ADGRL4: variants seen among roughly 807,000 people sequenced by gnomAD.
ADGRL4 encodes EGF, latrophilin and seven transmembrane domain containing 1.
Under a neutral mutation model 74.8 loss-of-function variants are expected in ADGRL4, and 90 were observed. The observed-to-expected ratio is 1.20, with a 90% CI of 1.02 to 1.43. ADGRL4 has a LOEUF of 1.43. ADGRL4 is among the 40% of genes most tolerant of loss of function. ADGRL4 has a pLI of 0.00. For synonymous variants in ADGRL4, 311 were observed against 279.2 expected, an observed-to-expected ratio of 1.11 and a Z score of -1.14; for missense variants, 881 against 814.3, an observed-to-expected ratio of 1.08 and a Z score of -1.00.
chr1:78,921,533 A>C (rs554170660), intron 9 of ADGRL4, 80 bp downstream of exon 9: 2 of 916,676 alleles, frequency 2.2e-6, no homozygotes, highest in East Asian at 6.2e-5. Context: ...ATATATAAAA[A>C]ATTAAATATT....
rs142532224 is a variant in ADGRL4 at position 78,985,882 on chromosome 1, G to A, written c.172+19188C>T. ...AGATAATGTTCTTTGCACCAACATA[G>A]AGTTAAAGGCCATTATGCTAAGTGA... On this transcript the variant is annotated intron_variant, in intron 2 of 14. Transcript: ENST00000370742. 4.0e-5 allele frequency among the ~76,000 whole-genome samples: 6 copies of A among 151,844 alleles called. No individual in the cohort carries two copies. In the East Asian group the frequency reaches 1.2e-3, roughly 29 times the overall value.
intron 2 of ADGRL4, among the ~76,000 whole-genome samples, chr1:78,966,229 G>C (rs572906903): frequency 1.3e-5 from 2 of 152,266 alleles, no homozygotes; most frequent in East Asian, 3.9e-4. Flanking sequence ...TCCTGTTCTG[G>C]GGTGTGGTAC....
At chr1:79,002,723 G>A (rs1650870246) in intron 2 of ADGRL4, among the ~76,000 whole-genome samples, 1 of 151,932 alleles carries the variant, frequency 6.6e-6, no homozygotes, top group Admixed American at 6.6e-5. Context: ...TTGACTATAA[G>A]GCCTCTGTTA....
At chr1:78,915,794 GAAT>G (rs1264403747) in intron 12 of ADGRL4, among the ~76,000 whole-genome samples, 1 of 151,826 alleles carries the variant, frequency 6.6e-6, no homozygotes, top group African/African-American at 2.4e-5. Context: ...TTATATAGCT[GAAT>G]AATAATAGTA....
At chr1:78,953,020 C>T (rs1649760770) in intron 2 of ADGRL4, among the ~76,000 whole-genome samples, 1 of 152,058 alleles carries the variant, frequency 6.6e-6, no homozygotes, top group South Asian at 2.1e-4. Context: ...ATATTATTAT[C>T]ATTTTTTGGT....
chr1:78,983,633 A>G (rs1052307753), intron 2 of ADGRL4, among the ~76,000 whole-genome samples: 1 of 151,854 alleles, frequency 6.6e-6, no homozygotes, highest in Non-Finnish European at 1.5e-5. Flanking sequence ...TGAAATTCCA[A>G]GGACAGTAAA....
At chr1:78,948,449 T>C (rs546845825) in intron 2 of ADGRL4, among the ~76,000 whole-genome samples, 1 of 152,250 alleles carries the variant, frequency 6.6e-6, no homozygotes, top group Non-Finnish European at 1.5e-5. Context: ...ATATTTAAGA[T>C]ACTTTGTTCA....
chr1:79,002,384 G>T (rs1343606061), intron 2 of ADGRL4, among the ~76,000 whole-genome samples: 1 of 151,948 alleles, frequency 6.6e-6, no homozygotes, highest in African/African-American at 2.4e-5. Flanking sequence ...TTTACTCATA[G>T]GCTGAAACCT....
At chr1:78,955,083 A>G (rs1381576863) in intron 2 of ADGRL4, among the ~76,000 whole-genome samples, 2 of 152,064 alleles carry the variant, frequency 1.3e-5, no homozygotes, top group Non-Finnish European at 2.9e-5. Context: ...TAGTAATGTA[A>G]GAGATGTGCA....
chr1:78,985,905 T>A (rs1453264157), intron 2 of ADGRL4, among the ~76,000 whole-genome samples: 1 of 151,726 alleles, frequency 6.6e-6, no homozygotes, highest in South Asian at 2.1e-4. Flanking sequence ...TTATGCTAAG[T>A]GAACTAACAC....
At chr1:78,904,115 A>C (rs1648579943) in intron 12 of ADGRL4, among the ~76,000 whole-genome samples, 1 of 151,966 alleles carries the variant, frequency 6.6e-6, no homozygotes, top group Non-Finnish European at 1.5e-5. Context: ...ACCAAATTTC[A>C]ATGTATTCCT....
chr1:78,971,136 G>A (rs570028924), intron 2 of ADGRL4, among the ~76,000 whole-genome samples: 2 of 152,214 alleles, frequency 1.3e-5, no homozygotes, highest in East Asian at 1.9e-4. Context: ...GGCCCCTTCT[G>A]CTGGGAACCC....
At chr1:78,940,435 C>T (rs1649452148) in intron 3 of ADGRL4, among the ~76,000 whole-genome samples, 1 of 152,058 alleles carries the variant, frequency 6.6e-6, no homozygotes, top group South Asian at 2.1e-4. Context: ...TGTATTGAGG[C>T]TGTAATAAAG....
At chr1:78,894,802 A>C (rs1234041840) in intron 12 of ADGRL4, among the ~76,000 whole-genome samples, 1 of 151,938 alleles carries the variant, frequency 6.6e-6, no homozygotes, top group Admixed American at 6.6e-5. Context: ...AAGACTTAGA[A>C]GATAAAGTAA....
chr1:79,000,708 A>G (rs994450975), intron 2 of ADGRL4, among the ~76,000 whole-genome samples: 8 of 152,194 alleles, frequency 5.3e-5, no homozygotes, highest in African/African-American at 1.7e-4. Context: ...AATTGGCAAG[A>G]TATTTTATTT....
chr1:78,938,381 T>G, intron 4 of ADGRL4, 102 bp from the exon 5 acceptor site: 1 of 845,336 alleles, frequency 1.2e-6, no homozygotes, highest in Non-Finnish European at 1.7e-6. Flanking sequence ...TTGGTTTCCT[T>G]GGTCTACACA....
Position 78,937,955 on chromosome 1 carries a change from C to T in ADGRL4, c.612G>A (p.Arg204=), listed in dbSNP as rs1649390418. The T allele has an allele frequency of 3.1e-6, 5 of 1,608,486 alleles. No individual in the cohort carries two copies. Among genetic ancestry groups the T allele is most frequent in the African/African-American group, 2.7e-5 (2 of 74,600 alleles). The stretch of plus-strand genomic sequence containing the variant: ...ACTTGTCCCAAACTACAAATGTATC[C>T]CTTTGAACAAAATTATTCACGGTTT... ...FVKTVNNFVQ[R]DTFVVWDKLS... Residue 204 remains arginine (R), a synonymous_variant, in exon 6 of 15, where the codon AGG becomes AGA. Transcript: ENST00000370742.
Position 78,937,934 on chromosome 1 carries a change from G to T in ADGRL4, c.633C>A (p.Asp211Glu), listed in dbSNP as rs1399610988. Residue 211 changes from aspartate to glutamate, a missense_variant, in exon 6 of 15, where the codon GAC (aspartate) becomes GAA (glutamate). Transcript: ENST00000370742. Reference sequence around the variant, plus strand: ...TTCTCCTATGATTCACAGATAACTTGTCCCAAACTACAAATGTATCCCTTT... The same window carrying T: ...TTCTCCTATGATTCACAGATAACTTTTCCCAAACTACAAATGTATCCCTTT... ...FVQRDTFVVWDKLSVNHRRTH... is the reference protein window; with the variant it reads ...FVQRDTFVVWEKLSVNHRRTH... 4 of 1,613,800 alleles carry T rather than the reference G, an allele frequency of 2.5e-6. No individual in the cohort carries two copies. In the East Asian group the frequency reaches 6.7e-5, roughly 27 times the overall value.
At chr1:78,976,879 A>T (rs1650294680) in intron 2 of ADGRL4, among the ~76,000 whole-genome samples, 1 of 151,448 alleles carries the variant, frequency 6.6e-6, no homozygotes, top group African/African-American at 2.4e-5. Context: ...CTCTACATAA[A>T]CTCTCCCAAA....
Sources: gnomAD v4.1 joint callset for allele counts (sites outside exome capture counted in the v4.1 genomes callset) on GRCh38, gnomAD v4.1.1 for gene constraint, MANE v1.5 for transcripts, NCBI Gene and HGNC (gene_info 2026-07-23, HGNC 2026-07-21) for gene names.